Variants in MARCHF8 observed in about 807,000 individuals in gnomAD.
The protein encoded by MARCHF8 is membrane associated ring-CH-type finger 8.
A neutral mutation model predicts 51.6 loss-of-function variants in MARCHF8; 40 were observed. That is an observed-to-expected ratio of 0.77 (90% CI 0.60 to 1.01). The LOEUF is 1.01. MARCHF8 is among the 50% of genes least tolerant of loss of function. The pLI, the probability that MARCHF8 is intolerant of heterozygous loss-of-function variation, is 0.00. For missense variants in MARCHF8, 685 were observed against 708.6 expected (o/e 0.97, Z 0.38); for synonymous variants, 263 against 280.3 (o/e 0.94, Z 0.62).
chr10:45,507,668 G>A, intron 2 of MARCHF8, among the ~76,000 whole-genome samples: 1 of 152,090 alleles, frequency 6.6e-6, no homozygotes, highest in East Asian at 1.9e-4. Flanking sequence ...ATCCAACATT[G>A]GGGATAACAT....
chr10:45,539,213 T>G (rs1348390929), upstream of MARCHF8, among the ~76,000 whole-genome samples: 2 of 152,194 alleles, frequency 1.3e-5, no homozygotes, highest in African/African-American at 4.8e-5. Flanking sequence ...TGCCCCTGAA[T>G]GACTACTGGG....
At chr10:45,519,929 G>A (rs753878648) in intron 2 of MARCHF8, among the ~76,000 whole-genome samples, 26 of 152,158 alleles carry the variant, frequency 1.7e-4, no homozygotes, top group Admixed American at 9.8e-4. Context: ...TGACTCAGAG[G>A]GAATGTCATG....
chr10:45,540,529 C>T (rs1283356954), intron 1 of MARCHF8, among the ~76,000 whole-genome samples: 2 of 152,202 alleles, frequency 1.3e-5, no homozygotes, highest in Non-Finnish European at 2.9e-5. Context: ...ATGTCTAAAA[C>T]ACCAAAAGGA....
At position 45,459,198 on chromosome 10, in the gene MARCHF8, C is replaced by CA; in HGVS notation, c.1338dup (p.Ala447CysfsTer14). On this transcript the variant is annotated frameshift_variant, in exon 7 of 8. Coordinates refer to ENST00000453424, the MANE Select transcript of MARCHF8 (RefSeq NM_001282866.2). LOFTEE classifies it high-confidence loss of function. ...AAGGACCAGACCACACATGTGATGG[C>CA]AATGACGTGGAATGTCACTGAGCAC... 6.2e-7 allele frequency: 1 copy of CA among 1,614,088 alleles called. No individual in the cohort carries two copies. The highest frequency in any genetic ancestry group is 8.5e-7 in the Non-Finnish European group (1 of 1,180,006).
intron 6 of MARCHF8, chr10:45,459,757 T>C (rs1051428583): frequency 7.1e-6 from 7 of 985,452 alleles, no homozygotes; most frequent in Non-Finnish European, 8.4e-6. Context: ...TCCTTGCTAC[T>C]TTGGCAGCAA....
At chr10:45,536,033 T>C (rs2043966202), upstream of MARCHF8, among the ~76,000 whole-genome samples, 1 of 152,236 alleles carries the variant, frequency 6.6e-6, no homozygotes. Context: ...CTGAGCTGAC[T>C]TCTTTACAGA....
chr10:45,459,613 CT>C (rs760204400), intron 6 of MARCHF8: 10 of 669,416 alleles, frequency 1.5e-5, no homozygotes, highest in Admixed American at 1.3e-4. Context: ...GACCCAGGTA[CT>C]ACGTTTTAAG....
chr10:45,479,452 C>T (rs551122525), intron 3 of MARCHF8, among the ~76,000 whole-genome samples: 14 of 152,230 alleles, frequency 9.2e-5, no homozygotes, highest in African/African-American at 2.4e-4. Context: ...TAAGAATGCC[C>T]GCTGATATGA....
chr10:45,578,841 G>T (rs188736900), intron 1 of MARCHF8, among the ~76,000 whole-genome samples: 1 of 152,000 alleles, frequency 6.6e-6, no homozygotes, highest in South Asian at 2.1e-4. Flanking sequence ...AAAAAGTGAG[G>T]GACATTCTAA....
intron 2 of MARCHF8, among the ~76,000 whole-genome samples, chr10:45,511,785 T>C (rs1265653810): frequency 6.6e-6 from 1 of 152,028 alleles, no homozygotes; most frequent in Non-Finnish European, 1.5e-5. Context: ...CCGCCTGCCT[T>C]GGCCTCCCAA....
At chr10:45,523,115 T>C (rs183569617) in intron 2 of MARCHF8, among the ~76,000 whole-genome samples, 1 of 152,232 alleles carries the variant, frequency 6.6e-6, no homozygotes, top group Non-Finnish European at 1.5e-5. Context: ...TTTGGTGCTG[T>C]TTTATTCATG....
intron 3 of MARCHF8, among the ~76,000 whole-genome samples, chr10:45,488,769 A>G (rs1415187980): frequency 6.6e-6 from 1 of 152,156 alleles, no homozygotes; most frequent in African/African-American, 2.4e-5. Flanking sequence ...TGCCTAATAA[A>G]TATGGAGGGC....
At chr10:45,493,029 G>A (rs918477476) in intron 2 of MARCHF8, among the ~76,000 whole-genome samples, 7 of 152,186 alleles carry the variant, frequency 4.6e-5, no homozygotes, top group Admixed American at 2.0e-4. Context: ...GTGGATTAGG[G>A]ACGCTCAACG....
At chr10:45,559,398 G>T (rs2044285760) in intron 1 of MARCHF8, among the ~76,000 whole-genome samples, 1 of 152,148 alleles carries the variant, frequency 6.6e-6, no homozygotes, top group Non-Finnish European at 1.5e-5. Context: ...GTCTCACTCT[G>T]TTGCCCAGGC....
chr10:45,590,781 TG>T (rs1345950105), intron 1 of MARCHF8, among the ~76,000 whole-genome samples: 2 of 152,206 alleles, frequency 1.3e-5, no homozygotes, highest in Admixed American at 6.5e-5. Flanking sequence ...CCCAGCACTT[TG>T]GAAGGCTAAG....
chr10:45,465,801 C>T (rs1348569344), intron 3 of MARCHF8, among the ~76,000 whole-genome samples: 1 of 152,248 alleles, frequency 6.6e-6, no homozygotes, highest in Non-Finnish European at 1.5e-5. Context: ...ACCAAAGAAT[C>T]TACATTTATT....
At chr10:45,592,280 C>CAG (rs1253414120) in intron 1 of MARCHF8, among the ~76,000 whole-genome samples, 1 of 152,130 alleles carries the variant, frequency 6.6e-6, no homozygotes, top group African/African-American at 2.4e-5. Flanking sequence ...TGACAACAGT[C>CAG]AGATAAAATA....
chr10:45,480,171 G>A (rs2042859872), intron 3 of MARCHF8, among the ~76,000 whole-genome samples: 2 of 152,234 alleles, frequency 1.3e-5, no homozygotes, highest in African/African-American at 4.8e-5. Context: ...GGTATCTGGA[G>A]GAAAAAATTT....
intron 1 of MARCHF8, among the ~76,000 whole-genome samples, chr10:45,558,927 A>G (rs954439404): frequency 6.6e-6 from 1 of 152,254 alleles, no homozygotes; most frequent in Non-Finnish European, 1.5e-5. Flanking sequence ...AAAATCAGAA[A>G]AAAGAATTTA....
Sources: gnomAD v4.1 joint callset for allele counts (sites outside exome capture counted in the v4.1 genomes callset) on GRCh38, gnomAD v4.1.1 for gene constraint, MANE v1.5 for transcripts, NCBI Gene and HGNC (gene_info 2026-07-23, HGNC 2026-07-21) for gene names.